Variants in PLCH2 observed in about 807,000 individuals in gnomAD.
PLCH2 encodes phospholipase C eta 2.
A neutral mutation model predicts 134.7 loss-of-function variants in PLCH2; 98 were observed. The ratio of observed to expected loss-of-function variants is 0.73; its 90% CI spans 0.62 to 0.86. The LOEUF (loss-of-function observed/expected upper bound fraction) is 0.86, where lower values mean the gene tolerates loss of function less well. Ranked by LOEUF, PLCH2 falls within the 40% of genes least tolerant of loss-of-function variation. The pLI, the probability that PLCH2 is intolerant of heterozygous loss-of-function variation, is 0.00. For synonymous variants in PLCH2, 974 were observed against 827.5 expected (o/e 1.18, Z -3.04); for missense variants, 1,994 against 1,986.6 (o/e 1.00, Z -0.07).
chr1:2,447,976 G>C (rs1396485252), intron 2 of PLCH2, among the ~76,000 whole-genome samples: 2 of 152,206 alleles, frequency 1.3e-5, no homozygotes, highest in Non-Finnish European at 2.9e-5. Flanking sequence ...AGGAGAGTCA[G>C]TGAGATCATT....
rs549671227 is a variant in PLCH2 at position 2,444,428 on chromosome 1, C to T, written c.115+13799C>T. Among the ~76,000 whole-genome samples, 5 of 152,286 alleles carry T rather than the reference C, an allele frequency of 3.3e-5. No individual in the cohort carries two copies. Among genetic ancestry groups the T allele is most frequent in the Non-Finnish European group, 7.4e-5 (5 of 68,000 alleles). On this transcript the variant is annotated intron_variant, in intron 2 of 3. Transcript: ENST00000609981. The surrounding 1 kb of genome is among the most constrained non-coding windows in gnomAD (Gnocchi z 4.6). ...GCTCATCTGGGGGGAGCCGGCCTCTCCCCACACTAGCAGGTGGGGTGCAGC... is the reference window on the plus strand; with the variant it reads ...GCTCATCTGGGGGGAGCCGGCCTCTTCCCACACTAGCAGGTGGGGTGCAGC...
intron 2 of PLCH2, among the ~76,000 whole-genome samples, chr1:2,433,480 C>T (rs1418098377): frequency 2.0e-5 from 3 of 151,066 alleles, no homozygotes; most frequent in Non-Finnish European, 2.9e-5. Context: ...GAGTATGTGT[C>T]CCCGCCATTC....
At chr1:2,487,864 T>G in intron 8 of PLCH2, 146 bp downstream of exon 8, 1 of 776,054 alleles carries the variant, frequency 1.3e-6, no homozygotes, top group Non-Finnish European at 2.0e-6. Context: ...CTGGCATCTC[T>G]GGTTGAGGAG....
intron 2 of PLCH2, among the ~76,000 whole-genome samples, chr1:2,450,778 C>T (rs1640186639): frequency 7.4e-6 from 1 of 135,706 alleles, no homozygotes; most frequent in Non-Finnish European, 1.6e-5. Context: ...GTTCCAGACC[C>T]TTGGACCAGG....
chr1:2,459,599 T>TGCTGGTGG (rs1640702227), intron 2 of PLCH2, among the ~76,000 whole-genome samples: 1 of 115,202 alleles, frequency 8.7e-6, no homozygotes, highest in Non-Finnish European at 1.8e-5. Context: ...TGGTCTTCCT[T>TGCTGGTGG]TCCGGTGGTC....
chr1:2,487,442 A>C, intron 7 of PLCH2, 66 bp downstream of exon 7: 4 of 1,498,748 alleles, frequency 2.7e-6, no homozygotes, highest in Non-Finnish European at 3.7e-6. Context: ...GCTGCACCTG[A>C]GGAGCCCCCG....
At chr1:2,462,657 G>T (rs1341773508), upstream of PLCH2, among the ~76,000 whole-genome samples, 4 of 152,114 alleles carry the variant, frequency 2.6e-5, no homozygotes, top group Non-Finnish European at 5.9e-5. Context: ...TGACCTTAGA[G>T]CCCCAGAACC....
chr1:2,446,468 C>A (rs1201803559), intron 2 of PLCH2, among the ~76,000 whole-genome samples: 1 of 152,186 alleles, frequency 6.6e-6, no homozygotes, highest in Non-Finnish European at 1.5e-5. Context: ...GTGCCTCAGG[C>A]CCCTCCCTCC....
intron 10 of PLCH2, 128 bp downstream of exon 10, chr1:2,489,995 G>A (rs558055921): frequency 8.2e-5 from 59 of 717,320 alleles, no homozygotes; most frequent in African/African-American, 6.6e-4. Flanking sequence ...GGGCAGATTC[G>A]CACAGCGGCC....
rs1324398786 is a variant in PLCH2 at position 2,439,523 on chromosome 1, AAATT to A, written c.115+8895_115+8898del. ...GTGGAAAATGAAACACACACTTTCT[AAATT>A]TAGCTGCTGAGGATTGCACGTTTAC... On this transcript the variant is annotated intron_variant, in intron 2 of 3. Coordinates refer to the PLCH2 transcript ENST00000609981. This position sits in a 1 kb window ranked among gnomAD's most constrained non-coding sequence, Gnocchi z 4.7. Among the ~76,000 whole-genome samples the A allele has an allele frequency of 6.6e-6, 1 of 152,234 alleles. No individual in the cohort carries two copies. The highest frequency in any genetic ancestry group is 1.5e-5 in the Non-Finnish European group (1 of 68,044).
upstream of PLCH2, among the ~76,000 whole-genome samples, chr1:2,465,893 C>G (rs567273573): frequency 6.6e-6 from 1 of 152,146 alleles, no homozygotes; most frequent in Non-Finnish European, 1.5e-5. Flanking sequence ...ACCTGCAGCC[C>G]GCACACCCCT....
Position 2,431,135 on chromosome 1 carries a change from C to T in PLCH2, c.115+506C>T, listed in dbSNP as rs577659395. ...GGCAGGCCTGTGGCTGGCTGCCCTG[C>T]GTGTGCGTGTGCGTGTGTGTGTGTG... On this transcript the variant is annotated intron_variant, in intron 2 of 3. Coordinates refer to the PLCH2 transcript ENST00000609981. 5.9e-5 allele frequency among the ~76,000 whole-genome samples: 9 copies of T among 151,992 alleles called. No individual in the cohort carries two copies. The South Asian group carries it at 6.2e-4, about 11-fold the overall frequency.
At chr1:2,462,016 C>T (rs1032921265) in intron 2 of PLCH2, among the ~76,000 whole-genome samples, 1 of 151,822 alleles carries the variant, frequency 6.6e-6, no homozygotes, top group Non-Finnish European at 1.5e-5. Context: ...GGCTGTGCCA[C>T]TCGGCAGCCC....
chr1:2,494,564 C>T, intron 11 of PLCH2: 1 of 533,816 alleles, frequency 1.9e-6, no homozygotes, highest in Non-Finnish European at 3.4e-6. Flanking sequence ...GAGTTTAAAA[C>T]AACACATGAG....
chr1:2,441,249 C>T (rs1266729081), intron 2 of PLCH2, among the ~76,000 whole-genome samples: 2 of 152,340 alleles, frequency 1.3e-5, no homozygotes, highest in Middle Eastern at 3.4e-3. Flanking sequence ...CCAGCCCCTG[C>T]TGTGAAGCCT....
rs542996422 is a variant in PLCH2 at position 2,497,610 on chromosome 1, G to A, written c.2224+1G>A. The A allele has an allele frequency of 2.3e-5, 35 of 1,548,208 alleles. No individual in the cohort carries two copies. Among genetic ancestry groups the A allele is most frequent in the Non-Finnish European group, 2.6e-6 (3 of 1,142,966 alleles). On this transcript the variant is annotated splice_donor_variant, in intron 16 of 21. Transcript: ENST00000378486. LOFTEE classifies it high-confidence loss of function. ...CTCAAGCCTGGGTGCATGTGCCAGG[G>A]TGAGGCACTCGGACACTCAGGGCTC...
chr1:2,433,293 A>G (rs1639157765), intron 2 of PLCH2, among the ~76,000 whole-genome samples: 1 of 152,140 alleles, frequency 6.6e-6, no homozygotes, highest in Admixed American at 6.5e-5. Context: ...TGTGGGGCTG[A>G]CTGCATGTGC....
Position 2,504,277 on chromosome 1 carries a change from G to A in PLCH2, c.3315G>A (p.Leu1105=), listed in dbSNP as rs752101515. Residue 1105 remains leucine, a synonymous_variant, in exon 22 of 22, where the codon CTG becomes CTA. Coordinates refer to ENST00000378486, the MANE Select transcript of PLCH2 (RefSeq NM_014638.4). The stretch of plus-strand genomic sequence containing the variant: ...AGGGGCAGGTGCCCACGGAGCCCCT[G>A]GGAGGGTGGCGGCCCCTGGCCGCTC... ...KSEGQVPTEP[L]GGWRPLAAPF... 1 of 1,595,556 alleles carries A rather than the reference G, an allele frequency of 6.3e-7. No individual in the cohort carries two copies. Among genetic ancestry groups the A allele is most frequent in the Non-Finnish European group, 8.5e-7 (1 of 1,173,310 alleles).
Position 2,449,711 on chromosome 1 carries a change from T to C in PLCH2, c.115+19082T>C, listed in dbSNP as rs1640104452. Among the ~76,000 whole-genome samples the C allele has an allele frequency of 3.9e-5, 6 of 152,288 alleles. No individual in the cohort carries two copies. The South Asian group carries it at 1.2e-3, about 32-fold the overall frequency. On this transcript the variant is annotated intron_variant, in intron 2 of 3. Coordinates refer to the PLCH2 transcript ENST00000609981. ...GACTTGGATCCCAAATCTGCAACTG[T>C]GTGGCCTTGGGCAATGGACTCACTG... is the stretch of plus-strand genomic sequence containing the variant.
Sources: allele counts gnomAD v4.1 joint callset (sites outside exome capture counted in the v4.1 genomes callset), GRCh38; gene constraint gnomAD v4.1.1; non-coding constraint Gnocchi (gnomAD v3.1); transcripts MANE v1.5; gene names NCBI Gene and HGNC (gene_info 2026-07-23, HGNC 2026-07-21).